CD82: variants seen among roughly 807,000 people sequenced by gnomAD.
CD82 encodes CD82 antigen.
Under a neutral mutation model 37.4 loss-of-function variants are expected in CD82, and 36 were observed. The ratio of observed to expected loss-of-function variants is 0.96; its 90% CI spans 0.74 to 1.27. CD82 has a LOEUF of 1.27. CD82 is among the 50% of genes most tolerant of loss of function. The pLI is 0.00. For synonymous variants in CD82, 158 were observed against 137.4 expected (o/e 1.15, Z -1.05); for missense variants, 340 against 347.0 (o/e 0.98, Z 0.16).
chr11:44,592,925 A>G (rs1279363830), intron 2 of CD82, among the ~76,000 whole-genome samples: 1 of 152,132 alleles, frequency 6.6e-6, no homozygotes, highest in Non-Finnish European at 1.5e-5. Flanking sequence ...GAAGCTCACT[A>G]CCACCCAGGC....
rs1475651980 is a variant in CD82, at chr11:44,574,192, G to A, written c.-103+8456G>A. Among the ~76,000 whole-genome samples the A allele has an allele frequency of 4.6e-5, 7 of 152,302 alleles. 1 individual carries two copies. The South Asian group carries it at 6.2e-4, about 14-fold the overall frequency. On this transcript the variant is annotated intron_variant, in intron 1 of 9. Transcript: ENST00000227155. Reference sequence around the variant, plus strand: ...CTCTTGGCATAGAGTTGAGGGCAAAGTTGAGGGCTTACGTCTAGAGTCACA... The same window carrying A: ...CTCTTGGCATAGAGTTGAGGGCAAAATTGAGGGCTTACGTCTAGAGTCACA...
chr11:44,607,756 G>A (rs762813935), intron 6 of CD82, among the ~76,000 whole-genome samples: 1 of 152,212 alleles, frequency 6.6e-6, no homozygotes, highest in East Asian at 1.9e-4. Context: ...CATCAGAGTG[G>A]GGATTTCCAT....
chr11:44,617,844 A>G (rs1853588187), intron 7 of CD82, among the ~76,000 whole-genome samples: 1 of 152,316 alleles, frequency 6.6e-6, no homozygotes, highest in Admixed American at 6.5e-5. Flanking sequence ...CTCAGCTGGT[A>G]GGCGGCAGGG....
At chr11:44,593,359 C>A (rs1013194268) in intron 2 of CD82, among the ~76,000 whole-genome samples, 6 of 152,276 alleles carry the variant, frequency 3.9e-5, no homozygotes, top group African/African-American at 1.4e-4. Flanking sequence ...TCCACCCCCC[C>A]AGCCCAGCTC....
In CD82 at chr11:44,570,066, C is replaced by T. The variant is rs376159608; in HGVS notation, c.-103+4330C>T. 3.4e-4 allele frequency among the ~76,000 whole-genome samples: 52 copies of T among 152,354 alleles called. No individual in the cohort carries two copies. In the East Asian group the frequency reaches 3.9e-3, roughly 11 times the overall value. On this transcript the variant is annotated intron_variant, in intron 1 of 9. Transcript: ENST00000227155. ...CTTCTCAGGCCCCCAGGGACACTCC[C>T]AGAACACCTTCCTTCTGCACAGGGC...
Position 44,619,289 on chromosome 11 carries a change from G to T in CD82, c.*163G>T. 1 of 612,930 alleles carries T rather than the reference G, an allele frequency of 1.6e-6. No individual in the cohort carries two copies. The highest frequency in any genetic ancestry group is 2.9e-6 in the Non-Finnish European group (1 of 341,520). 38.0% of individuals were successfully genotyped at this position (612,930 alleles called of 1,614,324 possible). The stretch of plus-strand genomic sequence containing the variant: ...TTCTGGGGCCTAGCGATCTCTCCTG[G>T]CCTATCCGCTGCCAGCCTTGAGCCC... On this transcript the variant is annotated 3_prime_UTR_variant, in exon 10 of 10. Coordinates refer to ENST00000227155, the MANE Select transcript of CD82 (RefSeq NM_002231.4).
intron 3 of CD82, among the ~76,000 whole-genome samples, chr11:44,596,001 C>T (rs1021542751): frequency 6.6e-6 from 1 of 152,190 alleles, no homozygotes; most frequent in Admixed American, 6.5e-5. Context: ...TCCTGGCACC[C>T]GCACACAAGT....
chr11:44,564,898 AG>A (rs1852705278), upstream of CD82, among the ~76,000 whole-genome samples: 1 of 152,214 alleles, frequency 6.6e-6, no homozygotes, highest in Non-Finnish European at 1.5e-5. Context: ...TTAGTAAAAT[AG>A]GCGCAACGAG....
intron 1 of CD82, among the ~76,000 whole-genome samples, chr11:44,575,312 G>T (rs1014032889): frequency 6.6e-6 from 1 of 152,182 alleles, no homozygotes; most frequent in African/African-American, 2.4e-5. Flanking sequence ...CTAATCATGG[G>T]CTCTCTTTAC....
intron 3 of CD82, among the ~76,000 whole-genome samples, chr11:44,596,421 C>T (rs1853227972): frequency 6.6e-6 from 1 of 152,236 alleles, no homozygotes; most frequent in Non-Finnish European, 1.5e-5. Flanking sequence ...GATCACGGAG[C>T]TTGGGTTTCA....
intron 1 of CD82, among the ~76,000 whole-genome samples, chr11:44,573,809 G>C (rs1039078065): frequency 1.3e-5 from 2 of 152,176 alleles, no homozygotes; most frequent in Admixed American, 6.5e-5. Flanking sequence ...TGTCAGCCAG[G>C]CCTAGCTATG....
intron 2 of CD82, among the ~76,000 whole-genome samples, chr11:44,592,904 G>A (rs1198677675): frequency 1.3e-5 from 2 of 152,264 alleles, no homozygotes; most frequent in Non-Finnish European, 2.9e-5. Flanking sequence ...CTTCCATGCC[G>A]CTTGTGATGG....
intron 2 of CD82, among the ~76,000 whole-genome samples, chr11:44,592,930 C>T (rs1040532136): frequency 2.3e-4 from 35 of 152,180 alleles, no homozygotes; most frequent in African/African-American, 8.4e-4. Context: ...TCACTACCAC[C>T]CAGGCAGCTT....
intron 1 of CD82, among the ~76,000 whole-genome samples, chr11:44,568,010 G>C (rs1852761755): frequency 6.6e-6 from 1 of 152,214 alleles, no homozygotes. Flanking sequence ...TATGCAGTGG[G>C]AATAGTAGGT....
chr11:44,594,577 C>T, intron 2 of CD82, 66 bp from the exon 3 acceptor site: 1 of 983,300 alleles, frequency 1.0e-6, no homozygotes. Flanking sequence ...TACCCACCTC[C>T]TGGGGTTGCT....
At chr11:44,571,884 G>T (rs772856397) in intron 1 of CD82, among the ~76,000 whole-genome samples, 1 of 152,222 alleles carries the variant, frequency 6.6e-6, no homozygotes, top group South Asian at 2.1e-4. Flanking sequence ...TGGTAGTGCT[G>T]TTAATAGGAA....
At chr11:44,600,056 G>T in intron 3 of CD82, 102 bp from the exon 4 acceptor site, 1 of 1,127,986 alleles carries the variant, frequency 8.9e-7, no homozygotes, top group South Asian at 1.3e-5. Context: ...TGCCCTCTGT[G>T]GCCCCCTGCC....
At chr11:44,575,250 A>G (rs1465893564) in intron 1 of CD82, among the ~76,000 whole-genome samples, 1 of 152,162 alleles carries the variant, frequency 6.6e-6, no homozygotes, top group South Asian at 2.1e-4. Context: ...TTTCTCTTCA[A>G]TTACAGTCTG....
At chr11:44,571,612 T>G (rs1197944530) in intron 1 of CD82, among the ~76,000 whole-genome samples, 1 of 152,178 alleles carries the variant, frequency 6.6e-6, no homozygotes, top group Non-Finnish European at 1.5e-5. Flanking sequence ...TCTCACTGTA[T>G]TGCTGAGGCT....
Sources: gnomAD v4.1 joint callset for allele counts (sites outside exome capture counted in the v4.1 genomes callset) on GRCh38, gnomAD v4.1.1 for gene constraint, MANE v1.5 for transcripts, NCBI Gene and HGNC (gene_info 2026-07-23, HGNC 2026-07-21) for gene names.